The following DAB1 variants were observed in gnomAD, a reference collection of about 807,000 sequenced individuals.
DAB1 encodes disabled homolog 1.
In DAB1, 15 loss-of-function variants were observed where a neutral mutation model predicts 64.6. The ratio of observed to expected loss-of-function variants is 0.23; its 90% CI spans 0.16 to 0.36. DAB1 has a LOEUF of 0.36. Ranked by LOEUF, DAB1 falls within the 10% of genes least tolerant of loss-of-function variation. The pLI is 1.00. For missense variants in DAB1, 596 were observed against 706.7 expected (o/e 0.84, Z 1.78); for synonymous variants, 235 against 251.9 (o/e 0.93, Z 0.64).
intron 7 of DAB1, among the ~76,000 whole-genome samples, chr1:57,490,132 TCTC>T (rs1195132173): frequency 6.6e-6 from 1 of 152,206 alleles, no homozygotes; most frequent in African/African-American, 2.4e-5. Flanking sequence ...ATCTTGAACT[TCTC>T]AGCCTCCCAA....
intron 4 of DAB1, among the ~76,000 whole-genome samples, chr1:58,252,264 T>G (rs910952882): frequency 2.0e-5 from 3 of 152,142 alleles, no homozygotes; most frequent in Non-Finnish European, 4.4e-5. Context: ...ATGAAAAGCT[T>G]CTCTCAGCAT....
intron 7 of DAB1, among the ~76,000 whole-genome samples, chr1:57,433,402 A>AT (rs1243823537): frequency 4.0e-5 from 6 of 151,626 alleles, no homozygotes; most frequent in East Asian, 3.9e-4. Context: ...CAGTCACTTG[A>AT]TTTTTTTTTG....
At chr1:58,256,981 A>G (rs1248471091) in intron 4 of DAB1, among the ~76,000 whole-genome samples, 1 of 152,204 alleles carries the variant, frequency 6.6e-6, no homozygotes, top group Non-Finnish European at 1.5e-5. Flanking sequence ...TTTTATTGTT[A>G]TTAAACATTT....
chr1:57,942,806 G>T (rs1645124272), intron 5 of DAB1, among the ~76,000 whole-genome samples: 1 of 152,040 alleles, frequency 6.6e-6, no homozygotes, highest in African/African-American at 2.4e-5. Context: ...GCTCACTCTG[G>T]TTAGGAGACA....
chr1:57,740,602 G>C (rs989276246), intron 6 of DAB1, among the ~76,000 whole-genome samples: 2 of 152,194 alleles, frequency 1.3e-5, no homozygotes, highest in African/African-American at 4.8e-5. Flanking sequence ...CCTGGCTGTT[G>C]AGTAATCTTG....
At chr1:58,487,335 T>C (rs1349251316) in intron 3 of DAB1, among the ~76,000 whole-genome samples, 1 of 152,246 alleles carries the variant, frequency 6.6e-6, no homozygotes, top group Non-Finnish European at 1.5e-5. Flanking sequence ...ATGCTGCTCA[T>C]GCATTTGAGG....
chr1:57,640,856 G>T (rs1012098560), intron 7 of DAB1, among the ~76,000 whole-genome samples: 10 of 152,138 alleles, frequency 6.6e-5, no homozygotes, highest in Non-Finnish European at 1.3e-4. Flanking sequence ...AAGAATCTAG[G>T]GGCATGCAAG....
chr1:57,350,577 G>C (rs1375429627), intron 1 of DAB1, among the ~76,000 whole-genome samples: 1 of 152,116 alleles, frequency 6.6e-6, no homozygotes, highest in Non-Finnish European at 1.5e-5. Flanking sequence ...TACTCAGGGA[G>C]AGAAGCAATA....
intron 7 of DAB1, among the ~76,000 whole-genome samples, chr1:57,577,914 G>C (rs1645269107): frequency 6.6e-6 from 1 of 152,152 alleles, no homozygotes; most frequent in African/African-American, 2.4e-5. Context: ...GTGCTCCAAT[G>C]AGCAGAGGAA....
At chr1:57,161,917 T>C (rs185063471) in intron 2 of DAB1, among the ~76,000 whole-genome samples, 1 of 152,344 alleles carries the variant, frequency 6.6e-6, no homozygotes, top group East Asian at 1.9e-4. Flanking sequence ...GCGTAAATTA[T>C]ATATGTTTTC....
At chr1:57,736,697 A>G (rs762693454) in intron 6 of DAB1, among the ~76,000 whole-genome samples, 5 of 152,146 alleles carry the variant, frequency 3.3e-5, no homozygotes, top group Non-Finnish European at 7.4e-5. Context: ...GGTATTCTAA[A>G]TGCATTTAAT....
intron 2 of DAB1, among the ~76,000 whole-genome samples, chr1:57,262,169 T>A (rs1221670563): frequency 1.3e-5 from 2 of 152,218 alleles, no homozygotes; most frequent in Non-Finnish European, 2.9e-5. Context: ...AATCTATTAA[T>A]ACCACGAACC....
chr1:57,105,559 A>T (rs1472612304), intron 4 of DAB1, among the ~76,000 whole-genome samples: 1 of 152,202 alleles, frequency 6.6e-6, no homozygotes, highest in Non-Finnish European at 1.5e-5. Context: ...ACCGTGAGCC[A>T]TTCACGATGC....
chr1:57,338,585 A>T (rs1381250655), intron 1 of DAB1, among the ~76,000 whole-genome samples: 1 of 152,236 alleles, frequency 6.6e-6, no homozygotes, highest in Non-Finnish European at 1.5e-5. Flanking sequence ...GCTGATATCA[A>T]ATATAACCTT....
chr1:57,295,777 T>A (rs1300513746), intron 1 of DAB1, among the ~76,000 whole-genome samples: 2 of 152,246 alleles, frequency 1.3e-5, no homozygotes, highest in Admixed American at 6.6e-5. Context: ...CTCCTCAGAA[T>A]ACAGCTTTTT....
At chr1:57,625,880 C>T (rs2101621890) in intron 7 of DAB1, among the ~76,000 whole-genome samples, 1 of 151,864 alleles carries the variant, frequency 6.6e-6, no homozygotes, top group South Asian at 2.1e-4. Flanking sequence ...TTTCATAGGC[C>T]AGTTTCAAAA....
chr1:57,971,366 C>G (rs1273276634), intron 5 of DAB1, among the ~76,000 whole-genome samples: 1 of 152,180 alleles, frequency 6.6e-6, no homozygotes, highest in African/African-American at 2.4e-5. Context: ...CTGCTTATTC[C>G]TATTTCATCA....
chr1:58,530,568 T>C, intron 1 of DAB1: 2 of 857,826 alleles, frequency 2.3e-6, no homozygotes, highest in East Asian at 2.4e-5. Flanking sequence ...CACCAGAGGC[T>C]ATGATCAATT....
intron 2 of DAB1, among the ~76,000 whole-genome samples, chr1:57,232,037 T>C (rs1667715614): frequency 6.6e-6 from 1 of 152,204 alleles, no homozygotes; most frequent in Non-Finnish European, 1.5e-5. Flanking sequence ...AGATTTCAAC[T>C]CTTGGTAGCT....
Sources: allele counts gnomAD v4.1 joint callset (sites outside exome capture counted in the v4.1 genomes callset), GRCh38; gene constraint gnomAD v4.1.1; transcripts MANE v1.5; gene names NCBI Gene and HGNC (gene_info 2026-07-23, HGNC 2026-07-21).